The following ALG12 variants were observed in gnomAD, a reference collection of about 807,000 sequenced individuals.
The protein encoded by ALG12 is ALG12 alpha-1,6-mannosyltransferase.
A neutral mutation model predicts 46.0 loss-of-function variants in ALG12; 36 were observed. That is an observed-to-expected ratio of 0.78 (90% confidence interval 0.60 to 1.03). The LOEUF (loss-of-function observed/expected upper bound fraction) is 1.03. Ranked by LOEUF, ALG12 falls within the 50% of genes least tolerant of loss-of-function variation. The probability of loss-of-function intolerance (pLI) is 0.00; values close to 1 mark genes in which losing one functional copy is unlikely to be tolerated. For missense variants in ALG12, 599 were observed against 633.5 expected (o/e 0.95, Z 0.58); for synonymous variants, 326 against 291.6 (o/e 1.12, Z -1.20).
chr22:49,876,962 A>G, the ALG12 span, among the ~76,000 whole-genome samples: 3 of 152,214 alleles, frequency 2.0e-5, no homozygotes, highest in Non-Finnish European at 4.4e-5. Context: ...AAAATAGATG[A>G]TTCTGATGAT....
the ALG12 span, chr22:49,887,195 A>G: frequency 1.9e-6 from 3 of 1,592,000 alleles, no homozygotes; most frequent in African/African-American, 2.7e-5. Flanking sequence ...CGACGGCACC[A>G]CTAGGCCAGA....
chr22:49,912,857 G>A (rs748549347), intron 3 of ALG12, among the ~76,000 whole-genome samples: 12 of 151,210 alleles, frequency 7.9e-5, no homozygotes, highest in Admixed American at 2.0e-4. Flanking sequence ...ACACAGCAAG[G>A]CCCTGTCTCA....
chr22:49,862,790 C>G, the ALG12 span, among the ~76,000 whole-genome samples: 1 of 144,746 alleles, frequency 6.9e-6, no homozygotes, highest in Non-Finnish European at 1.5e-5. Context: ...CAACCTCTGC[C>G]TCTTGGGTTC....
the ALG12 span, among the ~76,000 whole-genome samples, chr22:49,861,084 G>A: frequency 0.015 from 2,214 of 152,078 alleles, 59 homozygotes; most frequent in African/African-American, 0.049. Context: ...CCTAGGCAAC[G>A]CTTTTTACTT....
At chr22:49,875,746 C>G in the ALG12 span, among the ~76,000 whole-genome samples, 1 of 152,058 alleles carries the variant, frequency 6.6e-6, no homozygotes, top group Non-Finnish European at 1.5e-5. Flanking sequence ...AGTTGCAGAA[C>G]TTATTTTTAT....
At chr22:49,888,478 A>G in the ALG12 span, 12 of 167,248 alleles carry the variant, frequency 7.2e-5, no homozygotes, top group Admixed American at 3.9e-4. Flanking sequence ...TATTTTTAGG[A>G]TAAGAAAACA....
At chr22:49,908,850 G>A (rs1426683231) in intron 6 of ALG12, among the ~76,000 whole-genome samples, 2 of 151,580 alleles carry the variant, frequency 1.3e-5, no homozygotes, top group Admixed American at 6.6e-5. Flanking sequence ...TACTCATGAG[G>A]CTGAGGCAGG....
In ALG12 at chr22:49,906,057, C is replaced by T. The variant is rs1338915190; in HGVS notation, c.993-1551G>A. The stretch of plus-strand genomic sequence containing the variant: ...GGTGGCCGGGCTGAGGACCTGACTT[C>T]GGAGGGGGCCTTGCTCTACCCTGCA... On this transcript the variant is annotated intron_variant, in intron 7 of 9. Transcript: ENST00000330817. This position sits in a 1 kb window ranked among gnomAD's most constrained non-coding sequence, Gnocchi z 4.4. Among the ~76,000 whole-genome samples the T allele has an allele frequency of 2.6e-5, 4 of 152,162 alleles. No individual in the cohort carries two copies. The highest frequency in any genetic ancestry group is 5.9e-5 in the Non-Finnish European group (4 of 68,020).
At chr22:49,865,061 C>T in the ALG12 span, among the ~76,000 whole-genome samples, 12,430 of 151,356 alleles carry the variant, frequency 0.082, 602 homozygotes, top group South Asian at 0.18. Flanking sequence ...TCACTAAGGG[C>T]AGGGGTGTGT....
the ALG12 span, among the ~76,000 whole-genome samples, chr22:49,881,771 G>A: frequency 7.2e-5 from 11 of 152,026 alleles, no homozygotes; most frequent in African/African-American, 2.7e-4. Flanking sequence ...GGTTTCAAGC[G>A]ATCCTCCCAC....
rs146322225 is a variant in ALG12 at position 49,909,906 on chromosome 22, T to C, written c.652A>G (p.Ile218Val). Residue 218 changes from isoleucine (I) to valine (V), a missense_variant, in exon 5 of 10, where the codon ATC becomes GTC. Ile to Val is a conservative substitution (Grantham distance 29). Transcript: ENST00000330817. ...RALRHAVPAG[I>V]LCLGLTVAVD... ...GTGACTGACTTACCTAAACAGAGGA[T>C]CCCTGCCGGGACGGCGTGGCGAAGG... 9.6e-5 allele frequency: 155 copies of C among 1,614,122 alleles called. No individual in the cohort carries two copies. The African/African-American group carries it at 1.9e-3, about 20-fold the overall frequency.
intron 6 of ALG12, among the ~76,000 whole-genome samples, chr22:49,908,203 G>T (rs564912942): frequency 7.2e-5 from 11 of 152,286 alleles, no homozygotes; most frequent in South Asian, 4.1e-4. Context: ...GCCACAGGAC[G>T]TTCGGTCTCT....
At chr22:49,870,633 G>A in the ALG12 span, among the ~76,000 whole-genome samples, 1 of 152,052 alleles carries the variant, frequency 6.6e-6, no homozygotes, top group Admixed American at 6.6e-5. Flanking sequence ...CTTTCGAGAA[G>A]TATCTGTTCA....
At chr22:49,888,618 T>C in the ALG12 span, 2 of 167,264 alleles carry the variant, frequency 1.2e-5, no homozygotes, top group Admixed American at 1.3e-4. Flanking sequence ...ATCATGGCCA[T>C]GGTGATGACT....
chr22:49,884,037 T>A, the ALG12 span: 13 of 1,604,832 alleles, frequency 8.1e-6, no homozygotes, highest in African/African-American at 8.1e-5. Flanking sequence ...AGCATTTTTT[T>A]ATCTCTCCCC....
chr22:49,909,913 C>A lies in ALG12; in HGVS notation c.645G>T (p.Pro215=). The change falls in exon 5 of 10, where the codon CCG becomes CCT. Residue 215 remains proline (P), a synonymous_variant. Transcript: ENST00000330817. ...SVVRALRHAV[P]AGILCLGLTV... ...ACTTACCTAAACAGAGGATCCCTGC[C>A]GGGACGGCGTGGCGAAGGGCTCTGA... 5 of 1,614,130 alleles carry A rather than the reference C, an allele frequency of 3.1e-6. No individual in the cohort carries two copies. The highest frequency in any genetic ancestry group is 4.2e-6 in the Non-Finnish European group (5 of 1,180,024).
the ALG12 span, among the ~76,000 whole-genome samples, chr22:49,867,789 A>G: frequency 6.6e-6 from 1 of 152,184 alleles, no homozygotes; most frequent in African/African-American, 2.4e-5. Context: ...TCCATCATCA[A>G]TTAAAAATAT....
the ALG12 span, among the ~76,000 whole-genome samples, chr22:49,867,807 G>A: frequency 6.6e-6 from 1 of 152,198 alleles, no homozygotes; most frequent in African/African-American, 2.4e-5. Flanking sequence ...TATCTTCAGT[G>A]GAAAATGCAT....
Position 49,904,076 on chromosome 22 carries a change from G to A in ALG12, c.1239-10C>T. ...CTCCCTCTTGTCGTACCTGTGGGAT[G>A]AGAGCTGGTGGTCCTGCCCAGGGCC... On this transcript the variant is annotated splice_polypyrimidine_tract_variant and intron_variant, in intron 9 of 9. Transcript: ENST00000330817. 2 of 1,614,106 alleles carry A rather than the reference G, an allele frequency of 1.2e-6. No individual in the cohort carries two copies. Among genetic ancestry groups the A allele is most frequent in the Non-Finnish European group, 8.5e-7 (1 of 1,179,992 alleles).
Sources: gnomAD v4.1 joint callset for allele counts (sites outside exome capture counted in the v4.1 genomes callset) on GRCh38, gnomAD v4.1.1 for gene constraint, Gnocchi (gnomAD v3.1) non-coding constraint, MANE v1.5 for transcripts, NCBI Gene and HGNC (gene_info 2026-07-23, HGNC 2026-07-21) for gene names.